Variants in EPN2 observed in about 807,000 individuals in gnomAD.
EPN2 encodes the protein epsin-2.
A neutral mutation model predicts 61.7 loss-of-function variants in EPN2; 34 were observed. The ratio of observed to expected loss-of-function variants is 0.55; its 90% CI spans 0.42 to 0.73. The LOEUF (loss-of-function observed/expected upper bound fraction) is 0.73. Among genes scored for constraint, EPN2 ranks in the 30% least tolerant of loss-of-function variants. The pLI, the probability that EPN2 is intolerant of heterozygous loss-of-function variation, is 0.00. For missense variants in EPN2, 714 were observed against 839.2 expected, an observed-to-expected ratio of 0.85 and a Z score of 1.84; for synonymous variants, 349 against 353.6, an observed-to-expected ratio of 0.99 and a Z score of 0.15.
chr17:19,259,308 CTTTT>C (rs776768357), intron 1 of EPN2, among the ~76,000 whole-genome samples: 2 of 96,194 alleles, frequency 2.1e-5, no homozygotes, highest in Admixed American at 2.3e-4. Context: ...AGTGTTGGGT[CTTTT>C]TTTTTTTTTT....
chr17:19,317,966 A>C (rs1280368563), intron 7 of EPN2, among the ~76,000 whole-genome samples: 2 of 152,224 alleles, frequency 1.3e-5, no homozygotes, highest in African/African-American at 2.4e-5. Context: ...ACTCCCCCGC[A>C]CACAGCAAAG....
chr17:19,260,003 C>T (rs1017915074), intron 1 of EPN2, among the ~76,000 whole-genome samples: 1 of 152,178 alleles, frequency 6.6e-6, no homozygotes, highest in African/African-American at 2.4e-5. Flanking sequence ...TGTCCTGTGC[C>T]CTTTAGACTT....
chr17:19,307,238 A>G (rs572163861), intron 4 of EPN2, among the ~76,000 whole-genome samples: 2 of 152,312 alleles, frequency 1.3e-5, no homozygotes, highest in East Asian at 3.9e-4. Context: ...GGGAAATATA[A>G]TTGAGTGATA....
chr17:19,311,760 G>GA (rs931775608), intron 5 of EPN2, among the ~76,000 whole-genome samples: 6 of 152,112 alleles, frequency 3.9e-5, no homozygotes, highest in African/African-American at 9.7e-5. Context: ...TTCATTTTGA[G>GA]AAAAAAATAT....
chr17:19,320,615 A>AGGG (rs1906595107), intron 7 of EPN2, among the ~76,000 whole-genome samples: 1 of 152,200 alleles, frequency 6.6e-6, no homozygotes, highest in Non-Finnish European at 1.5e-5. Flanking sequence ...TATTTTACTA[A>AGGG]AATCCCTAAG....
At position 19,309,988 on chromosome 17, in the gene EPN2, G is replaced by T; in HGVS notation, c.870G>T (p.Val290=). 1.2e-6 allele frequency: 2 copies of T among 1,606,064 alleles called. No individual in the cohort carries two copies. Among genetic ancestry groups the T allele is most frequent in the Middle Eastern group, 1.7e-4 (1 of 6,058 alleles). Residue 290 remains valine (V), a synonymous_variant, in exon 5 of 11, where the codon GTG becomes GTT. Coordinates refer to ENST00000314728, the MANE Select transcript of EPN2 (RefSeq NM_014964.5). ...TGGCACTTGCCATGAGCAGAGAAGT[G>T]GCTGAGCAGGTCAGTGCCCCAGGCA... The part of the protein sequence containing the change: ...LQLALAMSRE[V]AEQEERLRRG...
intron 1 of EPN2, among the ~76,000 whole-genome samples, chr17:19,262,607 C>T (rs907556558): frequency 6.6e-6 from 1 of 151,746 alleles, no homozygotes; most frequent in African/African-American, 2.4e-5. Context: ...CAACCCTGTA[C>T]CCATTAAGCA....
rs184341621 is a variant in EPN2 at position 19,313,274 on chromosome 17, C to G, written c.1142C>G (p.Ser381Trp). ...APASTSDPWP[S>W]FGTKPAASID... is the part of the protein sequence containing the mutation. ...GCGAGTACTTCAGACCCCTGGCCAT[C>G]GTTTGGTAAAGACCCCATTACTGGT... The change falls in exon 7 of 11, where the codon TCG becomes TGG. Residue 381 changes from serine to tryptophan, a missense_variant. Transcript: ENST00000314728. The G allele has an allele frequency of 5.2e-6, 8 of 1,535,548 alleles. No homozygotes were observed. Among genetic ancestry groups the G allele is most frequent in the Non-Finnish European group, 8.7e-7 (1 of 1,145,466 alleles).
intron 4 of EPN2, among the ~76,000 whole-genome samples, chr17:19,309,449 G>A (rs1193501196): frequency 6.6e-6 from 1 of 152,212 alleles, no homozygotes; most frequent in Non-Finnish European, 1.5e-5. Flanking sequence ...GCTCTTGAAT[G>A]TTGGTGTGCC....
At position 19,276,000 on chromosome 17, in the gene EPN2, T is replaced by C. The variant is rs182256968; in HGVS notation, c.-293-5955T>C. 2.0e-5 allele frequency among the ~76,000 whole-genome samples: 3 copies of C among 152,356 alleles called. No individual in the cohort carries two copies. The East Asian group carries it at 5.8e-4, about 29-fold the overall frequency. ...TTGGTTGGAATTTATTGACACTGTGTGGTTAACAATTGTTATCTAACATGT... is the reference window on the plus strand; with the variant it reads ...TTGGTTGGAATTTATTGACACTGTGCGGTTAACAATTGTTATCTAACATGT... On this transcript the variant is annotated intron_variant, in intron 1 of 10. Transcript: ENST00000314728.
At chr17:19,266,961 C>T (rs999129431) in intron 1 of EPN2, among the ~76,000 whole-genome samples, 4 of 147,120 alleles carry the variant, frequency 2.7e-5, no homozygotes, top group South Asian at 2.2e-4. Flanking sequence ...CTGAGGCAGA[C>T]GGATCACGAG....
At chr17:19,304,525 T>C (rs1290145671) in intron 4 of EPN2, among the ~76,000 whole-genome samples, 1 of 152,160 alleles carries the variant, frequency 6.6e-6, no homozygotes, top group Non-Finnish European at 1.5e-5. Flanking sequence ...GTGTGTGACG[T>C]GGAGGGTGGG....
At chr17:19,313,638 A>G (rs1351160751) in intron 7 of EPN2, 6 of 243,474 alleles carry the variant, frequency 2.5e-5, no homozygotes, top group Non-Finnish European at 4.0e-5. Flanking sequence ...ACAGCATGGA[A>G]CATCCAAATC....
chr17:19,254,291 C>T (rs2045049591), intron 1 of EPN2, among the ~76,000 whole-genome samples: 1 of 152,050 alleles, frequency 6.6e-6, no homozygotes, highest in Non-Finnish European at 1.5e-5. Flanking sequence ...CCTGTAATCC[C>T]AGCACTTTGG....
Position 19,335,433 on chromosome 17 carries a change from T to G in EPN2, c.*1179T>G. On this transcript the variant is annotated 3_prime_UTR_variant, in exon 11 of 11. Coordinates refer to ENST00000314728, the MANE Select transcript of EPN2 (RefSeq NM_014964.5). ...TGCAGGGATTAACAGGACTTCTGTTTACAATGGAAATCTGAAATGGAAGAA... is the reference window on the plus strand; with the variant it reads ...TGCAGGGATTAACAGGACTTCTGTTGACAATGGAAATCTGAAATGGAAGAA... 1 of 1,550,258 alleles carries G rather than the reference T, an allele frequency of 6.5e-7. No homozygotes were observed.
chr17:19,332,399 G>A (rs1907204150), intron 10 of EPN2, among the ~76,000 whole-genome samples: 1 of 152,080 alleles, frequency 6.6e-6, no homozygotes, highest in African/African-American at 2.4e-5. Flanking sequence ...TGGGCTGCTG[G>A]GGGTGAGGAA....
chr17:19,289,074 G>GTTTT lies in EPN2; in HGVS notation c.766+3309_766+3312dup, dbSNP rs1162172422. Among the ~76,000 whole-genome samples, 20 of 68,684 alleles carry GTTTT rather than the reference G, an allele frequency of 2.9e-4. 1 individual carries two copies. Among genetic ancestry groups the GTTTT allele is most frequent in the South Asian group, 6.7e-4 (1 of 1,490 alleles). 45.1% of individuals were successfully genotyped at this position (68,684 alleles called of 152,430 possible). ...TGGGCAGTAGCCAGGTTCTGGGTAT[G>GTTTT]TTTTTTTTTTTTTTTTTTTTTTTTT... On this transcript the variant is annotated intron_variant, in intron 4 of 10. Coordinates refer to ENST00000314728, the MANE Select transcript of EPN2 (RefSeq NM_014964.5).
chr17:19,257,526 T>C (rs2152206210), intron 1 of EPN2, among the ~76,000 whole-genome samples: 1 of 150,930 alleles, frequency 6.6e-6, no homozygotes, highest in African/African-American at 2.4e-5. Flanking sequence ...TCTCTCTCTT[T>C]TTTTTTTTTT....
intron 7 of EPN2, among the ~76,000 whole-genome samples, chr17:19,320,951 G>T (rs1906610471): frequency 6.6e-6 from 1 of 152,160 alleles, no homozygotes; most frequent in Non-Finnish European, 1.5e-5. Context: ...CCCTCTGTGT[G>T]TCAGGCTTGG....
Sources: gnomAD v4.1 joint callset for allele counts (sites outside exome capture counted in the v4.1 genomes callset) on GRCh38, gnomAD v4.1.1 for gene constraint, MANE v1.5 for transcripts, NCBI Gene and HGNC (gene_info 2026-07-23, HGNC 2026-07-21) for gene names.